Variants in DGKB observed in about 807,000 individuals in gnomAD.
DGKB encodes the protein diacylglycerol kinase beta.
In DGKB, 67 loss-of-function variants were observed where a neutral mutation model predicts 114.3. The observed-to-expected ratio is 0.59, with a 90% CI of 0.48 to 0.72. DGKB has a LOEUF of 0.72. DGKB is among the 30% of genes least tolerant of loss of function. DGKB has a pLI of 0.00. For missense variants in DGKB, 907 were observed against 975.2 expected (o/e 0.93, Z 0.93); for synonymous variants, 398 against 323.1 (o/e 1.23, Z -2.49).
chr7:14,769,234 GAA>G (rs1837015461), intron 2 of DGKB, among the ~76,000 whole-genome samples: 1 of 113,494 alleles, frequency 8.8e-6, no homozygotes. Context: ...GAGAGAGAAA[GAA>G]AGAAAGAAAG....
At chr7:14,720,093 C>A (rs1264282753) in intron 5 of DGKB, among the ~76,000 whole-genome samples, 1 of 150,026 alleles carries the variant, frequency 6.7e-6, no homozygotes, top group Non-Finnish European at 1.5e-5. Context: ...AGCACACACA[C>A]ACGCACGCAC....
In DGKB at chr7:14,730,477, T is replaced by A. The variant is rs372689472; in HGVS notation, c.322+5564A>T. Among the ~76,000 whole-genome samples, 144 of 152,300 alleles carry A rather than the reference T, an allele frequency of 9.5e-4. No homozygotes were observed. The Middle Eastern group carries it at 0.017, about 18-fold the overall frequency. On this transcript the variant is annotated intron_variant, in intron 5 of 25. Transcript: ENST00000402815. Reference sequence around the variant, plus strand: ...CTTTAGCTGAGGCTTTAAGGAAGCATTGGGTTTTCATGCGATAAGGGCAAA... The same window carrying A: ...CTTTAGCTGAGGCTTTAAGGAAGCAATGGGTTTTCATGCGATAAGGGCAAA...
intron 23 of DGKB, among the ~76,000 whole-genome samples, chr7:14,321,614 A>G (rs924455501): frequency 1.3e-4 from 19 of 151,574 alleles, no homozygotes; most frequent in African/African-American, 4.6e-4. Context: ...AAAAAAAAAA[A>G]AAAAAGAAAA....
chr7:14,693,930 G>A (rs921139383), intron 9 of DGKB, 145 bp downstream of exon 9: 1 of 801,876 alleles, frequency 1.2e-6, no homozygotes, highest in Non-Finnish European at 1.9e-6. Context: ...CTGTCAAATT[G>A]CACCGTGGCA....
At chr7:14,411,642 T>TGTATACAAAGATG (rs1563127426) in intron 21 of DGKB, among the ~76,000 whole-genome samples, 9 of 63,584 alleles carry the variant, frequency 1.4e-4, no homozygotes, top group South Asian at 4.6e-4. Context: ...AACAACCATC[T>TGTATACAAAGATG]TTCAAGGTGG....
intron 23 of DGKB, among the ~76,000 whole-genome samples, chr7:14,321,263 C>A (rs1413806502): frequency 1.3e-5 from 2 of 152,018 alleles, no homozygotes; most frequent in Non-Finnish European, 2.9e-5. Flanking sequence ...TGCACTTCAG[C>A]CTGGGCAACA....
chr7:14,338,532 A>G lies in DGKB; in HGVS notation c.2105T>C (p.Leu702Ser), dbSNP rs1811082161. Residue 702 changes from leucine to serine, a missense_variant, in exon 23 of 26, where the codon TTG (leucine) becomes TCG (serine). By Grantham distance (145) the Leu-to-Ser change is moderately radical. Around this residue, in one of 3 missense-constraint regions of DGKB, gnomAD observed 814 missense variants for 856.6 expected, o/e 0.95. Transcript: ENST00000402815. ...AAACTGACCTTGACTTGCAAACTTC[A>G]ACTCTTTGGCATCTGTGACGGTGGT... ...KRTTVTDAKE[L>S]KFASQDLSDQ... 1 of 1,574,450 alleles carries G rather than the reference A, an allele frequency of 6.4e-7. No homozygotes were observed. The highest frequency in any genetic ancestry group is 1.9e-5 in the Admixed American group (1 of 52,996).
intron 6 of DGKB, among the ~76,000 whole-genome samples, chr7:14,714,135 G>C (rs1048824565): frequency 5.3e-5 from 8 of 150,976 alleles, no homozygotes; most frequent in African/African-American, 1.9e-4. Context: ...GGGTACAAAA[G>C]AGAGCAAAAT....
intron 21 of DGKB, among the ~76,000 whole-genome samples, chr7:14,474,132 A>G (rs188167499): frequency 1.3e-5 from 2 of 152,220 alleles, no homozygotes; most frequent in Non-Finnish European, 2.9e-5. Flanking sequence ...TTCCCACTCA[A>G]ATATCATCTT....
At chr7:14,660,462 C>T (rs1563827199) in intron 13 of DGKB, among the ~76,000 whole-genome samples, 2 of 151,958 alleles carry the variant, frequency 1.3e-5, no homozygotes, top group African/African-American at 4.8e-5. Context: ...CTGTATGTGT[C>T]GAGGAATTTA....
chr7:14,499,057 G>A (rs1416308050), intron 20 of DGKB, among the ~76,000 whole-genome samples: 1 of 151,662 alleles, frequency 6.6e-6, no homozygotes, highest in East Asian at 1.9e-4. Flanking sequence ...GAGAAAAGGT[G>A]TTTCTTAGAG....
chr7:14,434,127 A>AT (rs202167493), intron 21 of DGKB, among the ~76,000 whole-genome samples: 2,960 of 152,202 alleles, frequency 0.019, 42 homozygotes, highest in Middle Eastern at 0.038. Flanking sequence ...AATCAAAGAG[A>AT]TTTTTCAGTT....
intron 23 of DGKB, among the ~76,000 whole-genome samples, chr7:14,282,717 T>G (rs200102815): frequency 6.7e-6 from 1 of 149,348 alleles, no homozygotes; most frequent in Non-Finnish European, 1.5e-5. Context: ...TATACGCAAA[T>G]CAATAAATGT....
At chr7:14,614,306 T>A (rs372128087) in intron 15 of DGKB, among the ~76,000 whole-genome samples, 52 of 152,232 alleles carry the variant, frequency 3.4e-4, no homozygotes, top group Middle Eastern at 6.8e-3. Context: ...CTTACCTGAT[T>A]CCAATGTTAA....
chr7:14,246,948 A>G (rs1350819169), intron 23 of DGKB, among the ~76,000 whole-genome samples: 3 of 152,128 alleles, frequency 2.0e-5, no homozygotes, highest in African/African-American at 2.4e-5. Context: ...CTGCAAAACT[A>G]AAGCTTTGTA....
chr7:14,311,736 T>A (rs1805426001), intron 23 of DGKB, among the ~76,000 whole-genome samples: 1 of 152,220 alleles, frequency 6.6e-6, no homozygotes, highest in Non-Finnish European at 1.5e-5. Flanking sequence ...ATTTTTTTAA[T>A]CTTTATTGAT....
intron 17 of DGKB, among the ~76,000 whole-genome samples, chr7:14,586,535 A>AT (rs1800798107): frequency 6.6e-6 from 1 of 152,132 alleles, no homozygotes; most frequent in Non-Finnish European, 1.5e-5. Flanking sequence ...CTAAACAACA[A>AT]TTTTTCAATG....
chr7:14,422,604 T>C (rs1254282280), intron 21 of DGKB, among the ~76,000 whole-genome samples: 3 of 152,016 alleles, frequency 2.0e-5, no homozygotes, highest in Admixed American at 2.0e-4. Flanking sequence ...TATATTATTT[T>C]ATTTGATAGT....
At chr7:14,886,124 G>A (rs1448305717) in intron 1 of DGKB, among the ~76,000 whole-genome samples, 1 of 151,876 alleles carries the variant, frequency 6.6e-6, no homozygotes, top group Non-Finnish European at 1.5e-5. Flanking sequence ...AAATGTAAGA[G>A]TTTGTAATTG....
Sources: gnomAD v4.1 joint callset for allele counts (sites outside exome capture counted in the v4.1 genomes callset) on GRCh38, gnomAD v4.1.1 for gene constraint, gnomAD v4.1.1 regional missense constraint, MANE v1.5 for transcripts, NCBI Gene and HGNC (gene_info 2026-07-23, HGNC 2026-07-21) for gene names.